ANK3: variants seen among roughly 807,000 people sequenced by gnomAD.
ANK3 encodes ankyrin-3.
In ANK3, 57 loss-of-function variants were observed where a neutral mutation model predicts 370.9. The ratio of observed to expected loss-of-function variants is 0.15; its 90% CI spans 0.12 to 0.19. The LOEUF (loss-of-function observed/expected upper bound fraction) is 0.19, where lower values mean the gene tolerates loss of function less well. Among genes scored for constraint, ANK3 ranks in the 10% least tolerant of loss-of-function variants. The probability of loss-of-function intolerance (pLI) is 1.00; values close to 1 mark genes in which losing one functional copy is unlikely to be tolerated. For synonymous variants in ANK3, 1,929 were observed against 1,946.3 expected, an observed-to-expected ratio of 0.99 and a Z score of 0.23; for missense variants, 4,439 against 5,302.1, an observed-to-expected ratio of 0.84 and a Z score of 5.06.
chr10:60,181,260 T>C, intron 18 of ANK3, 69 bp downstream of exon 18: 2 of 1,275,664 alleles, frequency 1.6e-6, no homozygotes, highest in South Asian at 1.2e-5. Context: ...GATACAATTA[T>C]AGTTTCTTCC....
At chr10:60,040,286 T>C (rs2075851928) in intron 43 of ANK3, among the ~76,000 whole-genome samples, 1 of 151,926 alleles carries the variant, frequency 6.6e-6, no homozygotes, top group African/African-American at 2.4e-5. Flanking sequence ...ACTTGCTTAG[T>C]TTTCTTTTTT....
At chr10:60,084,163 T>A (rs2086055863) in intron 32 of ANK3, 1 of 154,072 alleles carries the variant, frequency 6.5e-6, no homozygotes, top group Non-Finnish European at 1.4e-5. Context: ...TGCCAGCGCT[T>A]TGGGAGGCCA....
chr10:60,050,163 T>A (rs1251728215), intron 42 of ANK3, among the ~76,000 whole-genome samples: 1 of 152,130 alleles, frequency 6.6e-6, no homozygotes, highest in Admixed American at 6.5e-5. Flanking sequence ...GTGAGGTGAC[T>A]GATTATGAGG....
intron 2 of ANK3, among the ~76,000 whole-genome samples, chr10:60,413,968 G>A (rs1438173768): frequency 6.6e-6 from 1 of 152,194 alleles, no homozygotes; most frequent in African/African-American, 2.4e-5. Context: ...CTGCACTGCA[G>A]CCTGAGTGAC....
chr10:60,075,126 G>A lies in ANK3; in HGVS notation c.5755C>T (p.Leu1919=). 4.3e-6 allele frequency: 7 copies of A among 1,614,120 alleles called. No homozygotes were observed. The highest frequency in any genetic ancestry group is 5.9e-6 in the Non-Finnish European group (7 of 1,180,010). ...TTCTCCTCAGGCACATCTGTCTGTA[G>A]TATTGCGGTCATCCGCATTAGGTCC... The part of the protein sequence containing the change: ...KEDLMRMTAI[L]QTDVPEEKPF... Residue 1919 remains leucine, a synonymous_variant, in exon 37 of 44, where the codon CTA becomes TTA. Coordinates refer to ENST00000280772, the MANE Select transcript of ANK3 (RefSeq NM_020987.5).
intron 2 of ANK3, among the ~76,000 whole-genome samples, chr10:60,492,720 A>G (rs912539468): frequency 6.3e-5 from 9 of 143,108 alleles, no homozygotes; most frequent in African/African-American, 1.6e-4. Context: ...AAAAAAAAAA[A>G]AAAAGAAAGA....
At chr10:60,371,203 G>A (rs1371456013) in intron 1 of ANK3, among the ~76,000 whole-genome samples, 1 of 152,056 alleles carries the variant, frequency 6.6e-6, no homozygotes, top group East Asian at 1.9e-4. Flanking sequence ...CCTGGTAGAT[G>A]TGCCCCTTCA....
chr10:60,427,231 G>A (rs1291841602), intron 2 of ANK3, among the ~76,000 whole-genome samples: 1 of 152,084 alleles, frequency 6.6e-6, no homozygotes, highest in Non-Finnish European at 1.5e-5. Context: ...AAAATGGATA[G>A]GAGTAAACAT....
At chr10:60,296,771 C>G (rs966156326) in intron 1 of ANK3, among the ~76,000 whole-genome samples, 1 of 152,076 alleles carries the variant, frequency 6.6e-6, no homozygotes, top group Non-Finnish European at 1.5e-5. Context: ...GCCTAAGAGT[C>G]TGAGATCAGC....
At chr10:60,240,097 CACACATAAAT>C (rs1565913515) in intron 7 of ANK3, among the ~76,000 whole-genome samples, 5 of 118,210 alleles carry the variant, frequency 4.2e-5, no homozygotes, top group Admixed American at 2.8e-4. Context: ...TATATATACA[CACACATAAAT>C]ACATATATAT....
chr10:60,341,412 A>G (rs914338382), intron 1 of ANK3, among the ~76,000 whole-genome samples: 26 of 152,126 alleles, frequency 1.7e-4, no homozygotes, highest in African/African-American at 6.3e-4. Context: ...CAAGGGCACA[A>G]AACAGGCCTT....
chr10:60,543,897 A>C (rs1043318881), intron 2 of ANK3, among the ~76,000 whole-genome samples: 7 of 151,672 alleles, frequency 4.6e-5, no homozygotes, highest in African/African-American at 1.7e-4. Flanking sequence ...CTAAACTTCT[A>C]TAGGACATAG....
chr10:60,251,439 C>A (rs183214277), intron 7 of ANK3, among the ~76,000 whole-genome samples: 2 of 152,160 alleles, frequency 1.3e-5, no homozygotes, highest in African/African-American at 4.8e-5. Flanking sequence ...ACTGGCCTTT[C>A]GGTTGGGACA....
intron 1 of ANK3, among the ~76,000 whole-genome samples, chr10:60,649,733 C>T (rs10761539): frequency 0.68 from 102,960 of 152,072 alleles, 35,004 homozygotes; most frequent in South Asian, 0.83. Flanking sequence ...AGCAGCTCTG[C>T]GTTTATATGT....
At chr10:60,044,181 T>C (rs568917761) in intron 42 of ANK3, 1 of 985,254 alleles carries the variant, frequency 1.0e-6, no homozygotes, top group South Asian at 4.7e-5. Context: ...TTTTAGGAGA[T>C]GACACTACAG....
chr10:60,141,588 C>CTTTTTTTTTTTTT (rs1266607487), intron 23 of ANK3, among the ~76,000 whole-genome samples: 11 of 24,878 alleles, frequency 4.4e-4, no homozygotes, highest in African/African-American at 1.8e-3. Context: ...TTTTTTTTTG[C>CTTTTTTTTTTTTT]TTCCCTCCAG....
intron 2 of ANK3, chr10:60,507,678 A>G (rs1016288551): frequency 2.0e-5 from 3 of 152,022 alleles, no homozygotes; most frequent in African/African-American, 7.2e-5. Flanking sequence ...ATGTAAAGAA[A>G]TAGCCAACTA....
At chr10:60,727,439 G>A (rs1294404222) in intron 1 of ANK3, among the ~76,000 whole-genome samples, 1 of 152,098 alleles carries the variant, frequency 6.6e-6, no homozygotes, top group Non-Finnish European at 1.5e-5. Flanking sequence ...AGTTTAACTG[G>A]AAAAGAACTC....
intron 2 of ANK3, among the ~76,000 whole-genome samples, chr10:60,566,551 G>C (rs2077466648): frequency 6.6e-6 from 1 of 152,222 alleles, no homozygotes; most frequent in Admixed American, 6.5e-5. Flanking sequence ...CTGCTAGGGA[G>C]AAGGTCTGAG....
Sources: gnomAD v4.1 joint callset for allele counts (sites outside exome capture counted in the v4.1 genomes callset) on GRCh38, gnomAD v4.1.1 for gene constraint, MANE v1.5 for transcripts, NCBI Gene and HGNC (gene_info 2026-07-23, HGNC 2026-07-21) for gene names.